Variants in DNM3 observed in about 807,000 individuals in gnomAD.
The protein encoded by DNM3 is dynamin-3.
In DNM3, 47 loss-of-function variants were observed where a neutral mutation model predicts 101.6. The observed-to-expected ratio is 0.46, with a 90% confidence interval of 0.37 to 0.59. The LOEUF (loss-of-function observed/expected upper bound fraction) is 0.59, where lower values mean the gene tolerates loss of function less well. Among genes scored for constraint, DNM3 ranks in the 20% least tolerant of loss-of-function variants. The pLI is 0.00. For missense variants in DNM3, 849 were observed against 1,085.7 expected, an observed-to-expected ratio of 0.78 and a Z score of 3.06; for synonymous variants, 385 against 387.9, an observed-to-expected ratio of 0.99 and a Z score of 0.09.
chr1:172,075,149 C>T (rs180955412), intron 11 of DNM3, among the ~76,000 whole-genome samples: 2 of 142,386 alleles, frequency 1.4e-5, no homozygotes, highest in Non-Finnish European at 3.0e-5. Context: ...TATCCTTTGC[C>T]CACTTTTTGA....
intron 13 of DNM3, among the ~76,000 whole-genome samples, chr1:172,125,905 G>A (rs961242736): frequency 1.3e-5 from 2 of 151,986 alleles, no homozygotes; most frequent in Non-Finnish European, 2.9e-5. Context: ...AATCCTATTT[G>A]TCTTGGCATT....
At chr1:172,351,418 T>A (rs2148984688) in intron 17 of DNM3, among the ~76,000 whole-genome samples, 1 of 152,272 alleles carries the variant, frequency 6.6e-6, no homozygotes, top group African/African-American at 2.4e-5. Context: ...AAAGTAAACT[T>A]TTTTAGCAAT....
chr1:171,950,506 G>C (rs966083530), intron 2 of DNM3, among the ~76,000 whole-genome samples: 1 of 152,188 alleles, frequency 6.6e-6, no homozygotes, highest in South Asian at 2.1e-4. Flanking sequence ...GGCTTGGTAG[G>C]TTCAGCATAT....
intron 14 of DNM3, among the ~76,000 whole-genome samples, chr1:172,248,087 TG>T (rs1557878539): frequency 6.6e-6 from 1 of 152,174 alleles, no homozygotes; most frequent in Non-Finnish European, 1.5e-5. Context: ...TGCTTTTTTT[TG>T]TATGCTTTTG....
intron 14 of DNM3, among the ~76,000 whole-genome samples, chr1:172,199,948 G>T (rs1198434634): frequency 2.0e-5 from 3 of 151,942 alleles, no homozygotes; most frequent in Non-Finnish European, 4.4e-5. Flanking sequence ...TCCTATTATT[G>T]TGCTGTTAGC....
chr1:171,899,252 C>CT (rs1459535998), intron 1 of DNM3, among the ~76,000 whole-genome samples: 1 of 152,192 alleles, frequency 6.6e-6, no homozygotes. Flanking sequence ...TCTGTAACTC[C>CT]TTTTGAAAGC....
At chr1:172,191,274 A>T (rs1018220106) in intron 14 of DNM3, among the ~76,000 whole-genome samples, 1 of 152,072 alleles carries the variant, frequency 6.6e-6, no homozygotes, top group Non-Finnish European at 1.5e-5. Context: ...TAAATAGGGA[A>T]TCTTTCCCCA....
At chr1:172,322,385 C>A (rs1337204842) in intron 16 of DNM3, among the ~76,000 whole-genome samples, 1 of 152,210 alleles carries the variant, frequency 6.6e-6, no homozygotes, top group South Asian at 2.1e-4. Context: ...CGGCCCATAT[C>A]CCATCACGTC....
At chr1:172,044,247 A>T in intron 8 of DNM3, 138 bp from the exon 9 acceptor site, 1 of 700,758 alleles carries the variant, frequency 1.4e-6, no homozygotes, top group Non-Finnish European at 2.3e-6. Context: ...AGATGTTTTG[A>T]CCATCTGGGT....
chr1:172,359,638 A>G (rs1364709553), intron 17 of DNM3, among the ~76,000 whole-genome samples: 1 of 151,782 alleles, frequency 6.6e-6, no homozygotes, highest in Non-Finnish European at 1.5e-5. Flanking sequence ...AAAAAAAAAA[A>G]AACCTTAAGT....
intron 2 of DNM3, 29 bp downstream of exon 2, chr1:171,921,850 A>G (rs757073406): frequency 1.3e-6 from 2 of 1,572,758 alleles, no homozygotes; most frequent in East Asian, 4.6e-5. Flanking sequence ...TACCGCATGG[A>G]TGGGCACATC....
Position 172,081,930 on chromosome 1 carries a change from C to T in DNM3, c.1493+28C>T, listed in dbSNP as rs201223068. ...ACGTGAAACACTTGATGGCCACATG[C>T]ATTCCTCCTGTTGATTTGTCTCAAA... On this transcript the variant is annotated intron_variant, in intron 12 of 20. Transcript: ENST00000627582. 115 of 1,601,770 alleles carry T rather than the reference C, an allele frequency of 7.2e-5. No individual in the cohort carries two copies. The East Asian group carries it at 2.6e-3, about 36-fold the overall frequency.
At chr1:172,241,764 C>A (rs2061756450) in intron 14 of DNM3, among the ~76,000 whole-genome samples, 1 of 152,118 alleles carries the variant, frequency 6.6e-6, no homozygotes, top group Admixed American at 6.6e-5. Flanking sequence ...TTCAGGCCAA[C>A]AAAACAGGTG....
chr1:172,071,688 T>C (rs1358468186), intron 11 of DNM3, among the ~76,000 whole-genome samples: 1 of 152,200 alleles, frequency 6.6e-6, no homozygotes, highest in Non-Finnish European at 1.5e-5. Flanking sequence ...TGTAGCTTTT[T>C]CTTAAACAAA....
intron 4 of DNM3, among the ~76,000 whole-genome samples, chr1:172,031,150 C>T (rs1225098868): frequency 6.6e-6 from 1 of 152,094 alleles, no homozygotes; most frequent in African/African-American, 2.4e-5. Flanking sequence ...TTGGAACCAA[C>T]CCAAATGGCC....
At chr1:172,061,371 T>A (rs2051183447) in intron 10 of DNM3, among the ~76,000 whole-genome samples, 1 of 149,358 alleles carries the variant, frequency 6.7e-6, no homozygotes, top group South Asian at 2.1e-4. Flanking sequence ...GGACTATAAA[T>A]CATGCTGCTA....
Position 171,982,881 on chromosome 1 carries a change from C to A in DNM3, c.236-4775C>A, listed in dbSNP as rs182329799. On this transcript the variant is annotated intron_variant, in intron 2 of 20. Coordinates refer to ENST00000627582, the MANE Select transcript of DNM3 (RefSeq NM_015569.5). ...GAATTTCACAGGTTCCCACCACCATCAGTTCTACCTATTCATCTCATCCAT... is the reference window on the plus strand; with the variant it reads ...GAATTTCACAGGTTCCCACCACCATAAGTTCTACCTATTCATCTCATCCAT... Among the ~76,000 whole-genome samples the A allele has an allele frequency of 3.3e-5, 5 of 152,212 alleles. No individual in the cohort carries two copies. In the East Asian group the frequency reaches 7.7e-4, roughly 24 times the overall value.
chr1:172,287,783 A>T (rs925821323), intron 15 of DNM3, among the ~76,000 whole-genome samples: 1 of 144,064 alleles, frequency 6.9e-6, no homozygotes, highest in Admixed American at 7.0e-5. Flanking sequence ...AATATATATA[A>T]AATATATATA....
chr1:172,152,229 G>C (rs2058161269), intron 14 of DNM3, among the ~76,000 whole-genome samples: 1 of 151,382 alleles, frequency 6.6e-6, no homozygotes, highest in Non-Finnish European at 1.5e-5. Context: ...TTCTGCTAGT[G>C]GTAAAGCCAG....
Sources: allele counts gnomAD v4.1 joint callset (sites outside exome capture counted in the v4.1 genomes callset), GRCh38; gene constraint gnomAD v4.1.1; transcripts MANE v1.5; gene names NCBI Gene and HGNC (gene_info 2026-07-23, HGNC 2026-07-21).